KLHDC10: variants seen among roughly 807,000 people sequenced by gnomAD.
The protein encoded by KLHDC10 is kelch domain containing 10, also known as kelch domain-containing protein 10.
KLHDC10 carries 24 observed loss-of-function variants against 56.1 expected under a neutral mutation model. That is an observed-to-expected ratio of 0.43 (90% CI 0.31 to 0.60). The LOEUF is 0.60. Ranked by LOEUF, KLHDC10 falls within the 20% of genes least tolerant of loss-of-function variation. The pLI, the probability that KLHDC10 is intolerant of heterozygous loss-of-function variation, is 0.11. For synonymous variants in KLHDC10, 188 were observed against 207.1 expected, an observed-to-expected ratio of 0.91 and a Z score of 0.79; for missense variants, 349 against 567.0, an observed-to-expected ratio of 0.62 and a Z score of 3.91.
intron 1 of KLHDC10, among the ~76,000 whole-genome samples, chr7:130,091,738 C>T (rs1027465549): frequency 6.6e-6 from 1 of 151,988 alleles, no homozygotes; most frequent in Non-Finnish European, 1.5e-5. Flanking sequence ...ATGTTTTTTT[C>T]CCCAGTCAGT....
intron 2 of KLHDC10, among the ~76,000 whole-genome samples, chr7:130,098,417 C>T (rs560459669): frequency 2.6e-5 from 4 of 152,096 alleles, no homozygotes; most frequent in African/African-American, 7.2e-5. Context: ...CACTTGAACC[C>T]AGGAGGCAGA....
chr7:130,087,487 G>C (rs1795707416), intron 1 of KLHDC10, among the ~76,000 whole-genome samples: 1 of 152,018 alleles, frequency 6.6e-6, no homozygotes, highest in Non-Finnish European at 1.5e-5. Context: ...GGCATAATAA[G>C]ACTAGATAGT....
At chr7:130,125,967 A>G in intron 7 of KLHDC10, 36 bp downstream of exon 7, 1 of 1,377,294 alleles carries the variant, frequency 7.3e-7, no homozygotes. Flanking sequence ...ATCTTTAACA[A>G]ACATGTATTA....
chr7:130,091,961 T>TA (rs1156762674), intron 1 of KLHDC10, among the ~76,000 whole-genome samples: 3 of 152,106 alleles, frequency 2.0e-5, no homozygotes, highest in South Asian at 2.1e-4. Context: ...AGAGTTGGAG[T>TA]AGGTATAGAA....
chr7:130,093,022 A>T (rs1795798214), intron 1 of KLHDC10, among the ~76,000 whole-genome samples: 2 of 147,582 alleles, frequency 1.4e-5, no homozygotes, highest in South Asian at 2.2e-4. Context: ...TTTTTTAATG[A>T]CTTTTTTTTG....
rs187283662 is a variant in KLHDC10 at position 130,127,487 on chromosome 7, G to A, written c.979+36G>A. ...TAAATAACATTTTGCTTCCATTTCTGTAATTGTATCTTCTGAAAATGTCTT... is the reference window on the plus strand; with the variant it reads ...TAAATAACATTTTGCTTCCATTTCTATAATTGTATCTTCTGAAAATGTCTT... On this transcript the variant is annotated intron_variant, in intron 8 of 9. Coordinates refer to ENST00000335420, the MANE Select transcript of KLHDC10 (RefSeq NM_014997.4). 9.1e-6 allele frequency: 13 copies of A among 1,432,504 alleles called. No homozygotes were observed. In the African/African-American group the frequency reaches 1.1e-4, roughly 12 times the overall value. 88.7% of individuals were successfully genotyped at this position (1,432,504 alleles called of 1,614,324 possible).
chr7:130,108,236 G>A (rs1796043546), intron 2 of KLHDC10, among the ~76,000 whole-genome samples: 1 of 149,932 alleles, frequency 6.7e-6, no homozygotes, highest in Non-Finnish European at 1.5e-5. Context: ...CAAAAAAAAA[G>A]AAAAAAGAAA....
chr7:130,071,320 A>C (rs1017086118), intron 1 of KLHDC10, among the ~76,000 whole-genome samples: 1 of 152,198 alleles, frequency 6.6e-6, no homozygotes, highest in East Asian at 1.9e-4. Flanking sequence ...TGTATGGGAA[A>C]GAGAACCTAG....
chr7:130,072,823 C>G (rs1795436547), intron 1 of KLHDC10, among the ~76,000 whole-genome samples: 1 of 151,982 alleles, frequency 6.6e-6, no homozygotes, highest in Admixed American at 6.6e-5. Flanking sequence ...GTGTCGCGAT[C>G]TCGGCTCACT....
intron 1 of KLHDC10, among the ~76,000 whole-genome samples, chr7:130,084,708 C>T (rs569425161): frequency 9.5e-4 from 141 of 148,194 alleles, no homozygotes; most frequent in African/African-American, 2.9e-3. Flanking sequence ...ACCCAGGAGG[C>T]GGAGGTTGCA....
rs909370767 is a variant in KLHDC10 at position 130,133,354 on chromosome 7, C to T, written c.*2608C>T. 3.9e-5 allele frequency: 6 copies of T among 152,218 alleles called. No homozygotes were observed. Among genetic ancestry groups the T allele is most frequent in the Non-Finnish European group, 8.8e-5 (6 of 68,044 alleles). The allele number at this position is 152,218 out of a possible 1,614,324, so 9.4% of individuals were successfully genotyped here. On this transcript the variant is annotated 3_prime_UTR_variant, in exon 10 of 10. Coordinates refer to ENST00000335420, the MANE Select transcript of KLHDC10 (RefSeq NM_014997.4). ...GCCTCTTTGAGGTACTCCCAGCCGT[C>T]TTACTACAGTCCTGTAAATTTAAGT...
chr7:130,120,696 A>G lies in KLHDC10; in HGVS notation c.476-53A>G. The G allele has an allele frequency of 1.9e-6, 3 of 1,594,492 alleles. No individual in the cohort carries two copies. The highest frequency in any genetic ancestry group is 2.6e-6 in the Non-Finnish European group (3 of 1,165,216). On this transcript the variant is annotated intron_variant, in intron 3 of 9. Transcript: ENST00000335420. This position sits in a 1 kb window ranked among gnomAD's most constrained non-coding sequence, Gnocchi z 5.1. Reference sequence around the variant, plus strand: ...CTCAGATATTCTGGGTTTATGTGGGAACAAATTGCAGGTAGCCATTTGTGA... The same window carrying G: ...CTCAGATATTCTGGGTTTATGTGGGGACAAATTGCAGGTAGCCATTTGTGA...
At chr7:130,114,634 A>G (rs1006055440) in intron 2 of KLHDC10, among the ~76,000 whole-genome samples, 2 of 152,192 alleles carry the variant, frequency 1.3e-5, no homozygotes, top group African/African-American at 4.8e-5. Context: ...TTTAAGGTAA[A>G]TAGTAAATTT....
At position 130,072,736 on chromosome 7, in the gene KLHDC10, C is replaced by G. The variant is rs557606130; in HGVS notation, c.166+1927C>G. 1.0e-4 allele frequency among the ~76,000 whole-genome samples: 15 copies of G among 144,006 alleles called. No homozygotes were observed. In the East Asian group the frequency reaches 2.4e-3, roughly 23 times the overall value. The allele number at this position is 144,006 out of a possible 152,430, so 94.5% of individuals were successfully genotyped here. Reference sequence around the variant, plus strand: ...GGTTGACGGGCCTTGGAGATAAAACCTTTTATTTTAAATTTATTTATTTAT... The same window carrying G: ...GGTTGACGGGCCTTGGAGATAAAACGTTTTATTTTAAATTTATTTATTTAT... On this transcript the variant is annotated intron_variant, in intron 1 of 9. Coordinates refer to ENST00000335420, the MANE Select transcript of KLHDC10 (RefSeq NM_014997.4).
chr7:130,107,289 T>C (rs1014364374), intron 2 of KLHDC10, among the ~76,000 whole-genome samples: 2 of 152,168 alleles, frequency 1.3e-5, no homozygotes, highest in Non-Finnish European at 2.9e-5. Flanking sequence ...AGTACACATA[T>C]TGGAAAAGAA....
At chr7:130,083,566 ATCT>A (rs1795638937) in intron 1 of KLHDC10, among the ~76,000 whole-genome samples, 1 of 152,254 alleles carries the variant, frequency 6.6e-6, no homozygotes, top group East Asian at 1.9e-4. Context: ...TCTCCTAGTC[ATCT>A]TCTTAGACCC....
At chr7:130,074,245 T>A (rs1795465242) in intron 1 of KLHDC10, among the ~76,000 whole-genome samples, 1 of 152,214 alleles carries the variant, frequency 6.6e-6, no homozygotes, top group Non-Finnish European at 1.5e-5. Context: ...TCCATTCTCT[T>A]GTTTTAACTT....
At chr7:130,070,868 C>T in intron 1 of KLHDC10, 59 bp downstream of exon 1, 1 of 1,212,502 alleles carries the variant, frequency 8.2e-7, no homozygotes, top group Non-Finnish European at 1.1e-6. Context: ...GCTACCTTTT[C>T]TTTTTCTCCC....
chr7:130,117,085 A>T (rs1026279729), intron 3 of KLHDC10, among the ~76,000 whole-genome samples: 1 of 152,250 alleles, frequency 6.6e-6, no homozygotes, highest in African/African-American at 2.4e-5. Flanking sequence ...TTCCTAGTGC[A>T]TATAAAGTTA....
Sources: gnomAD v4.1 joint callset for allele counts (sites outside exome capture counted in the v4.1 genomes callset) on GRCh38, gnomAD v4.1.1 for gene constraint, Gnocchi (gnomAD v3.1) non-coding constraint, MANE v1.5 for transcripts, NCBI Gene and HGNC (gene_info 2026-07-23, HGNC 2026-07-21) for gene names.